SLC9A9: variants seen among roughly 807,000 people sequenced by gnomAD.
The protein encoded by SLC9A9 is sodium/hydrogen exchanger 9.
In SLC9A9, 62 loss-of-function variants were observed where a neutral mutation model predicts 77.8. The ratio of observed to expected loss-of-function variants is 0.80; its 90% CI spans 0.65 to 0.98. SLC9A9 has a LOEUF of 0.98. Among genes scored for constraint, SLC9A9 ranks in the 50% least tolerant of loss-of-function variants. The probability of loss-of-function intolerance (pLI) is 0.00; values close to 1 mark genes in which losing one functional copy is unlikely to be tolerated. For synonymous variants in SLC9A9, 320 were observed against 283.5 expected (o/e 1.13, Z -1.29); for missense variants, 775 against 774.9 (o/e 1.00, Z 0.00).
chr3:143,678,650 T>C (rs989500649), intron 5 of SLC9A9, among the ~76,000 whole-genome samples: 2 of 152,250 alleles, frequency 1.3e-5, no homozygotes, highest in Non-Finnish European at 2.9e-5. Flanking sequence ...TTGTGCTTCC[T>C]AGGCCAATAC....
chr3:143,697,302 A>G (rs1268391303), intron 4 of SLC9A9, among the ~76,000 whole-genome samples: 2 of 152,144 alleles, frequency 1.3e-5, no homozygotes, highest in Non-Finnish European at 2.9e-5. Flanking sequence ...AGTTAGATGC[A>G]TACAGCCTCA....
chr3:143,785,003 C>T (rs1315215326), intron 4 of SLC9A9, among the ~76,000 whole-genome samples: 2 of 152,164 alleles, frequency 1.3e-5, no homozygotes, highest in African/African-American at 4.8e-5. Context: ...TACCAGCACC[C>T]TGATCTAGGA....
rs930503295 is a variant in SLC9A9 at position 143,758,428 on chromosome 3, G to C, written c.533+36573C>G. Reference sequence around the variant, plus strand: ...CTTGTTTTCTTTTTTTGCATGGAGAGTTCTTGCTACCTATAGGACTTAATG... The same window carrying C: ...CTTGTTTTCTTTTTTTGCATGGAGACTTCTTGCTACCTATAGGACTTAATG... On this transcript the variant is annotated intron_variant, in intron 4 of 15. Transcript: ENST00000316549. Among the ~76,000 whole-genome samples, 4 of 152,102 alleles carry C rather than the reference G, an allele frequency of 2.6e-5. No homozygotes were observed. In the South Asian group the frequency reaches 6.2e-4, roughly 24 times the overall value.
At chr3:143,373,585 C>A (rs1433623327) in intron 13 of SLC9A9, among the ~76,000 whole-genome samples, 2 of 133,406 alleles carry the variant, frequency 1.5e-5, no homozygotes, top group Non-Finnish European at 3.2e-5. Context: ...ACCATTGTAT[C>A]CCCAAAGCCA....
chr3:143,623,537 G>C (rs574368607), intron 6 of SLC9A9, among the ~76,000 whole-genome samples: 1 of 152,218 alleles, frequency 6.6e-6, no homozygotes, highest in Non-Finnish European at 1.5e-5. Context: ...TGAAATGAAG[G>C]CAGAAATAAA....
At chr3:143,774,902 T>A (rs1384559709) in intron 4 of SLC9A9, among the ~76,000 whole-genome samples, 1 of 152,126 alleles carries the variant, frequency 6.6e-6, no homozygotes, top group East Asian at 1.9e-4. Flanking sequence ...CTCCGTTCAT[T>A]TTCTCCTCAG....
At chr3:143,631,812 C>T (rs965518920) in intron 6 of SLC9A9, among the ~76,000 whole-genome samples, 40 of 152,094 alleles carry the variant, frequency 2.6e-4, no homozygotes, top group African/African-American at 8.9e-4. Flanking sequence ...TGCTAGTTCT[C>T]TTGATTTTTT....
intron 12 of SLC9A9, among the ~76,000 whole-genome samples, chr3:143,449,697 T>A (rs868624648): frequency 1.2e-4 from 1 of 8,426 alleles, no homozygotes; most frequent in African/African-American, 1.3e-3. Context: ...AATATAATTA[T>A]ATTATATAAT....
chr3:143,547,856 T>G (rs2036814894), intron 9 of SLC9A9, among the ~76,000 whole-genome samples: 1 of 152,276 alleles, frequency 6.6e-6, no homozygotes, highest in Admixed American at 6.5e-5. Flanking sequence ...GTGCACTATA[T>G]ACTTTGCTTA....
chr3:143,640,019 CTTTTTTTTT>C (rs10575577), intron 6 of SLC9A9, among the ~76,000 whole-genome samples: 4 of 124,138 alleles, frequency 3.2e-5, no homozygotes, highest in Non-Finnish European at 5.0e-5. Flanking sequence ...CTTTTTTTTT[CTTTTTTTTT>C]TTTTTTTTTT....
rs576508925 is a variant in SLC9A9 at position 143,623,441 on chromosome 3, G to T, written c.755+28814C>A. Among the ~76,000 whole-genome samples the T allele has an allele frequency of 1.6e-3, 244 of 152,230 alleles. 1 individual carries two copies. The highest frequency in any genetic ancestry group is 5.8e-3 in the African/African-American group (240 of 41,502). On this transcript the variant is annotated intron_variant, in intron 6 of 15. Coordinates refer to ENST00000316549, the MANE Select transcript of SLC9A9 (RefSeq NM_173653.4). ...TTCAGACCACAGTGCAATCAAACTA[G>T]AACTCAGGATTAAGAAACTCACTCA...
intron 4 of SLC9A9, among the ~76,000 whole-genome samples, chr3:143,741,138 C>A (rs1171363804): frequency 6.6e-6 from 1 of 152,168 alleles, no homozygotes; most frequent in Non-Finnish European, 1.5e-5. Context: ...ACCCAAGATC[C>A]TGGTTTCTAA....
chr3:143,430,266 A>T (rs985534203), intron 12 of SLC9A9, among the ~76,000 whole-genome samples: 1 of 152,182 alleles, frequency 6.6e-6, no homozygotes, highest in Non-Finnish European at 1.5e-5. Flanking sequence ...TCATTAATGC[A>T]CAGCCACAAG....
At chr3:143,564,985 C>T (rs2037145243) in intron 8 of SLC9A9, among the ~76,000 whole-genome samples, 1 of 152,148 alleles carries the variant, frequency 6.6e-6, no homozygotes. Context: ...TTTTGGTGTT[C>T]ATTAGGCTTA....
At chr3:143,303,708 C>G (rs919802576) in intron 14 of SLC9A9, among the ~76,000 whole-genome samples, 1 of 152,192 alleles carries the variant, frequency 6.6e-6, no homozygotes, top group Non-Finnish European at 1.5e-5. Context: ...CACTTAATAG[C>G]GGAACTAGAA....
intron 14 of SLC9A9, among the ~76,000 whole-genome samples, chr3:143,320,295 T>C (rs1220984796): frequency 6.6e-6 from 1 of 152,232 alleles, no homozygotes; most frequent in Non-Finnish European, 1.5e-5. Context: ...ATCTGTACAC[T>C]ACTGTTCCAA....
chr3:143,410,889 A>G (rs1007828337), intron 12 of SLC9A9, among the ~76,000 whole-genome samples: 1 of 152,140 alleles, frequency 6.6e-6, no homozygotes, highest in Non-Finnish European at 1.5e-5. Flanking sequence ...GGATTTTCCT[A>G]TTATTCAAGA....
chr3:143,556,075 A>G (rs1052591312), intron 8 of SLC9A9, among the ~76,000 whole-genome samples: 4 of 152,262 alleles, frequency 2.6e-5, no homozygotes, highest in Non-Finnish European at 4.4e-5. Context: ...TATCTATAAA[A>G]TTCTCCAACA....
chr3:143,711,087 G>A (rs1335279619), intron 4 of SLC9A9, among the ~76,000 whole-genome samples: 1 of 152,192 alleles, frequency 6.6e-6, no homozygotes, highest in Admixed American at 6.5e-5. Flanking sequence ...AATTTATCTT[G>A]TGAGTGATAA....
Sources: gnomAD v4.1 joint callset for allele counts (sites outside exome capture counted in the v4.1 genomes callset) on GRCh38, gnomAD v4.1.1 for gene constraint, MANE v1.5 for transcripts, NCBI Gene and HGNC (gene_info 2026-07-23, HGNC 2026-07-21) for gene names.